Variants in SPEF2 observed in about 807,000 individuals in gnomAD.
SPEF2 encodes sperm flagellar and cilia associated 2.
In SPEF2, 187 loss-of-function variants were observed where a neutral mutation model predicts 224.6. The ratio of observed to expected loss-of-function variants is 0.83; its 90% CI spans 0.74 to 0.94. SPEF2 has a LOEUF of 0.94. SPEF2 is among the 40% of genes least tolerant of loss of function. The pLI, the probability that SPEF2 is intolerant of heterozygous loss-of-function variation, is 0.00. For missense variants in SPEF2, 2,170 were observed against 2,135.6 expected (o/e 1.02, Z -0.32); for synonymous variants, 715 against 707.3 (o/e 1.01, Z -0.17).
intron 29 of SPEF2, among the ~76,000 whole-genome samples, 159 bp downstream of exon 29, chr5:35,776,554 A>G (rs568481189): frequency 1.3e-5 from 2 of 152,328 alleles, no homozygotes; most frequent in African/African-American, 4.8e-5. Context: ...GAGCTTTACT[A>G]TCATGTTTGT....
intron 30 of SPEF2, chr5:35,787,814 T>A: frequency 1.8e-6 from 1 of 549,740 alleles, no homozygotes; most frequent in Non-Finnish European, 3.2e-6. Flanking sequence ...TAAGCAAAAC[T>A]GAGGGTAGAA....
At chr5:35,802,118 C>T (rs1011917046) in intron 34 of SPEF2, among the ~76,000 whole-genome samples, 2 of 152,172 alleles carry the variant, frequency 1.3e-5, no homozygotes, top group African/African-American at 4.8e-5. Flanking sequence ...TGAGGCCTTG[C>T]CAGCCAGAAG....
chr5:35,666,976 T>A, intron 8 of SPEF2, 96 bp from the exon 9 acceptor site: 2 of 1,167,328 alleles, frequency 1.7e-6, no homozygotes, highest in Non-Finnish European at 2.4e-6. Flanking sequence ...AGAAGAGGTT[T>A]CATTCTACTG....
At chr5:35,670,019 C>A in intron 9 of SPEF2, 40 bp from the exon 10 acceptor site, 1 of 1,457,872 alleles carries the variant, frequency 6.9e-7, no homozygotes, top group Non-Finnish European at 9.4e-7. Flanking sequence ...CTATATTTGA[C>A]TAACCATTGA....
intron 2 of SPEF2, among the ~76,000 whole-genome samples, chr5:35,636,454 C>G (rs1745845183): frequency 6.6e-6 from 1 of 152,108 alleles, no homozygotes; most frequent in African/African-American, 2.4e-5. Context: ...CTCAGAGTCC[C>G]TAACAGACAT....
At chr5:35,721,805 A>C (rs763042876) in intron 20 of SPEF2, among the ~76,000 whole-genome samples, 2 of 152,224 alleles carry the variant, frequency 1.3e-5, no homozygotes, top group Non-Finnish European at 2.9e-5. Context: ...TTAGGAAAAC[A>C]TGCAGACATT....
intron 34 of SPEF2, among the ~76,000 whole-genome samples, chr5:35,802,650 G>T (rs1757580878): frequency 6.6e-6 from 1 of 152,192 alleles, no homozygotes; most frequent in Non-Finnish European, 1.5e-5. Context: ...AGGTGAGGGG[G>T]AGAGCCTTGC....
At chr5:35,686,476 C>T (rs1033484495) in intron 10 of SPEF2, among the ~76,000 whole-genome samples, 1 of 151,868 alleles carries the variant, frequency 6.6e-6, no homozygotes, top group Non-Finnish European at 1.5e-5. Flanking sequence ...AGAAAAATAC[C>T]ATTTTACCTA....
intron 30 of SPEF2, chr5:35,781,748 A>G (rs533278160): frequency 8.5e-5 from 13 of 152,318 alleles, no homozygotes; most frequent in Admixed American, 5.9e-4. Context: ...TTTCTCTATT[A>G]GCTCAATTAT....
chr5:35,628,385 G>C, intron 1 of SPEF2, 75 bp from the exon 2 acceptor site: 1 of 875,040 alleles, frequency 1.1e-6, no homozygotes, highest in Non-Finnish European at 1.8e-6. Flanking sequence ...TTTAGTGTAT[G>C]TATATTTAAA....
Position 35,709,000 on chromosome 5 carries a change from G to A in SPEF2, c.2718G>A (p.Leu906=), listed in dbSNP as rs1465075970. The A allele has an allele frequency of 6.2e-7, 1 of 1,613,398 alleles. No individual in the cohort carries two copies. The highest frequency in any genetic ancestry group is 2.2e-5 in the East Asian group (1 of 44,872). ...KEAEKKAAAS[L]AELPLPTPPP... ...CTGAGAAAAAAGCAGCAGCTTCCCT[G>A]GCTGAGCTTCCACTTCCTACACCTC... The change falls in exon 19 of 37, where the codon CTG becomes CTA. Residue 906 remains leucine (L), a synonymous_variant. Coordinates refer to ENST00000356031, the MANE Select transcript of SPEF2 (RefSeq NM_024867.4).
chr5:35,792,555 G>C (rs1756113395), intron 31 of SPEF2, 109 bp downstream of exon 31: 1 of 800,872 alleles, frequency 1.2e-6, no homozygotes, highest in Admixed American at 2.6e-5. Context: ...CATTTAGTAG[G>C]CAATCAATGA....
At chr5:35,787,988 T>C (rs999158066) in intron 30 of SPEF2, 1 of 656,638 alleles carries the variant, frequency 1.5e-6, no homozygotes, top group South Asian at 1.6e-5. Flanking sequence ...AAAATATCCA[T>C]GGCTTATATA....
intron 1 of SPEF2, 64 bp downstream of exon 1, chr5:35,618,119 G>A: frequency 6.6e-7 from 1 of 1,523,544 alleles, no homozygotes; most frequent in Non-Finnish European, 8.9e-7. Flanking sequence ...CTGCAGCGCA[G>A]CGCAGCGCAC....
chr5:35,695,882 A>T, intron 14 of SPEF2, 86 bp downstream of exon 14: 8 of 943,298 alleles, frequency 8.5e-6, no homozygotes, highest in South Asian at 1.8e-5. Flanking sequence ...GAATGCAATG[A>T]AATTGCAATG....
intron 2 of SPEF2, among the ~76,000 whole-genome samples, chr5:35,638,936 T>C (rs1200640518): frequency 6.6e-6 from 1 of 152,144 alleles, no homozygotes; most frequent in African/African-American, 2.4e-5. Context: ...CAGATGAGTG[T>C]TTCAGGTGTA....
At chr5:35,741,271 CAG>C (rs1158727499) in intron 23 of SPEF2, among the ~76,000 whole-genome samples, 1 of 152,196 alleles carries the variant, frequency 6.6e-6, no homozygotes, top group Admixed American at 6.5e-5. Flanking sequence ...ATTTTGTAAA[CAG>C]TGGCTGTGGA....
At chr5:35,636,527 C>T (rs1009671880) in intron 2 of SPEF2, among the ~76,000 whole-genome samples, 5 of 152,130 alleles carry the variant, frequency 3.3e-5, no homozygotes, top group African/African-American at 1.2e-4. Flanking sequence ...GCTGGTTTTA[C>T]TGTCTCAGGT....
Position 35,705,759 on chromosome 5 carries a change from A to C in SPEF2, c.2616A>C (p.Glu872Asp). The change falls in exon 18 of 37, where the codon GAA becomes GAC. Residue 872 changes from glutamate (E) to aspartate (D), a missense_variant. By Grantham distance (45) the Glu-to-Asp change is conservative. Coordinates refer to ENST00000356031, the MANE Select transcript of SPEF2 (RefSeq NM_024867.4). ...NAEIDKESLC[E>D]KVKEILTTEI... ...AAATAGATAAGGAATCTTTATGTGA[A>C]AAAGTAAAAGAAATTCTTACGACTG... 1 of 1,539,912 alleles carries C rather than the reference A, an allele frequency of 6.5e-7. No homozygotes were observed. Among genetic ancestry groups the C allele is most frequent in the Non-Finnish European group, 8.8e-7 (1 of 1,134,540 alleles).
Sources: gnomAD v4.1 joint callset for allele counts (sites outside exome capture counted in the v4.1 genomes callset) on GRCh38, gnomAD v4.1.1 for gene constraint, MANE v1.5 for transcripts, NCBI Gene and HGNC (gene_info 2026-07-23, HGNC 2026-07-21) for gene names.